The following RBFOX1 variants were observed in gnomAD, a reference collection of about 807,000 sequenced individuals.
RBFOX1 encodes RNA binding fox-1 homolog 1.
RBFOX1 carries 8 observed loss-of-function variants against 57.7 expected under a neutral mutation model. That is an observed-to-expected ratio of 0.14 (90% CI 0.08 to 0.25). The LOEUF (loss-of-function observed/expected upper bound fraction) is 0.25. Among genes scored for constraint, RBFOX1 ranks in the 10% least tolerant of loss-of-function variants. The pLI is 1.00. For missense variants in RBFOX1, 611 were observed against 548.5 expected (o/e 1.11, Z -1.14); for synonymous variants, 326 against 222.4 (o/e 1.47, Z -4.15).
chr16:6,165,668 G>A (rs1340051604), intron 1 of RBFOX1, among the ~76,000 whole-genome samples: 1 of 152,228 alleles, frequency 6.6e-6, no homozygotes, highest in African/African-American at 2.4e-5. Context: ...TCTGATAAAT[G>A]TGCAGGTGAA....
Position 7,094,611 on chromosome 16 carries a change from C to T in RBFOX1, c.27+42513C>T, listed in dbSNP as rs1377953421. On this transcript the variant is annotated intron_variant, in intron 4 of 15. Transcript: ENST00000550418. ...TCTTTGTTCCCTTGACTTGGGGACT[C>T]CTGCATTTCTTTTGAAGTTTTTTTT... Among the ~76,000 whole-genome samples the T allele has an allele frequency of 4.8e-5, 7 of 146,106 alleles. No homozygotes were observed. The South Asian group carries it at 1.3e-3, about 28-fold the overall frequency.
At chr16:6,806,122 A>G (rs549177542) in intron 3 of RBFOX1, among the ~76,000 whole-genome samples, 3 of 151,410 alleles carry the variant, frequency 2.0e-5, no homozygotes. Flanking sequence ...TTGAATATTT[A>G]GATGATTTAG....
intron 2 of RBFOX1, among the ~76,000 whole-genome samples, chr16:6,366,823 G>T (rs762328975): frequency 2.6e-5 from 4 of 152,134 alleles, no homozygotes; most frequent in Non-Finnish European, 5.9e-5. Flanking sequence ...TTTGGTGTCA[G>T]GAATCTCTGC....
intron 3 of RBFOX1, among the ~76,000 whole-genome samples, chr16:6,829,225 G>T (rs1308227657): frequency 6.9e-6 from 1 of 145,106 alleles, no homozygotes; most frequent in Non-Finnish European, 1.5e-5. Flanking sequence ...CATTTTAAAG[G>T]AAGTTAATGA....
At chr16:5,448,096 T>A (rs1363569673) in intron 1 of RBFOX1, among the ~76,000 whole-genome samples, 1 of 152,168 alleles carries the variant, frequency 6.6e-6, no homozygotes, top group Non-Finnish European at 1.5e-5. Context: ...TGGCTGGATA[T>A]GTCTTTTGAC....
chr16:5,489,725 T>C (rs1262257666), intron 2 of RBFOX1, among the ~76,000 whole-genome samples: 1 of 152,074 alleles, frequency 6.6e-6, no homozygotes, highest in Non-Finnish European at 1.5e-5. Flanking sequence ...TTGCCAACAG[T>C]CCTAAAGATG....
chr16:6,011,751 C>G (rs907736080), intron 4 of RBFOX1, among the ~76,000 whole-genome samples: 19 of 152,288 alleles, frequency 1.2e-4, no homozygotes, highest in African/African-American at 4.3e-4. Context: ...AAGCTGGTGA[C>G]CACTTTTTGC....
Position 6,679,878 on chromosome 16 carries a change from G to GGTTTTTTTTTT in RBFOX1, c.-16+25228_-16+25229insGTTTTTTTTTT, listed in dbSNP as rs1487919870. On this transcript the variant is annotated intron_variant, in intron 3 of 15. Coordinates refer to ENST00000550418, the MANE Select transcript of RBFOX1 (RefSeq NM_018723.4). ...CTACATAAAGCCATAGTTTCTACTT[G>GGTTTTTTTTTT]TTTTTTTTTTTTTTTTTTTTTTTTT... 1.7e-5 allele frequency among the ~76,000 whole-genome samples: 2 copies of GGTTTTTTTTTT among 114,302 alleles called. 1 individual carries two copies. Among genetic ancestry groups the GGTTTTTTTTTT allele is most frequent in the African/African-American group, 7.8e-5 (2 of 25,686 alleles). The allele number at this position is 114,302 out of a possible 152,430, so 75.0% of individuals were successfully genotyped here.
intron 3 of RBFOX1, among the ~76,000 whole-genome samples, chr16:6,859,152 T>TATATATATAC (rs1491258507): frequency 1.3e-5 from 1 of 77,142 alleles, no homozygotes; most frequent in Non-Finnish European, 2.4e-5. Context: ...TATATATATA[T>TATATATATAC]GTATATATAT....
At chr16:5,577,320 T>C (rs989534947) in intron 2 of RBFOX1, among the ~76,000 whole-genome samples, 1 of 152,214 alleles carries the variant, frequency 6.6e-6, no homozygotes, top group African/African-American at 2.4e-5. Context: ...GATCAAGCTC[T>C]TCCTTCAGTT....
chr16:6,279,887 G>T (rs932070517), intron 1 of RBFOX1, among the ~76,000 whole-genome samples: 1 of 151,920 alleles, frequency 6.6e-6, no homozygotes, highest in African/African-American at 2.4e-5. Context: ...CTTGGTCTAG[G>T]TGAGGATTTT....
At chr16:5,832,732 A>G (rs2056323182) in intron 3 of RBFOX1, among the ~76,000 whole-genome samples, 1 of 152,208 alleles carries the variant, frequency 6.6e-6, no homozygotes, top group African/African-American at 2.4e-5. Context: ...ATTAACAGAA[A>G]TTTAAAAAGC....
intron 3 of RBFOX1, chr16:5,838,088 A>G (rs1033435132): frequency 1.3e-5 from 2 of 153,218 alleles, no homozygotes; most frequent in African/African-American, 4.8e-5. Context: ...ACTACATGGC[A>G]GAAGATGATG....
intron 3 of RBFOX1, among the ~76,000 whole-genome samples, chr16:6,733,702 G>A (rs2069269389): frequency 6.6e-6 from 1 of 152,058 alleles, no homozygotes; most frequent in African/African-American, 2.4e-5. Context: ...AGGCTGCAGT[G>A]AACTGAGATC....
chr16:5,451,524 G>C (rs1361981405), intron 1 of RBFOX1, among the ~76,000 whole-genome samples: 3 of 152,248 alleles, frequency 2.0e-5, no homozygotes, highest in Non-Finnish European at 4.4e-5. Context: ...AGGAACTTCA[G>C]AGGACTCAAA....
chr16:5,637,245 T>A (rs940405367), intron 3 of RBFOX1, among the ~76,000 whole-genome samples: 2 of 152,152 alleles, frequency 1.3e-5, no homozygotes, highest in African/African-American at 4.8e-5. Flanking sequence ...CCTCCAACAA[T>A]TAGGCTTTGG....
intron 3 of RBFOX1, among the ~76,000 whole-genome samples, chr16:6,909,096 C>T (rs973304258): frequency 3.3e-5 from 5 of 152,170 alleles, no homozygotes; most frequent in African/African-American, 1.2e-4. Context: ...TATTTTCTTG[C>T]AGTTCTGGAG....
intron 3 of RBFOX1, among the ~76,000 whole-genome samples, chr16:6,714,242 T>C (rs548574036): frequency 6.6e-6 from 1 of 152,212 alleles, no homozygotes; most frequent in African/African-American, 2.4e-5. Flanking sequence ...TGCAGAACTG[T>C]GAGTCAATTA....
intron 2 of RBFOX1, among the ~76,000 whole-genome samples, chr16:6,619,163 G>C (rs1203021698): frequency 7.0e-6 from 1 of 143,134 alleles, no homozygotes; most frequent in African/African-American, 2.5e-5. Context: ...TTCCAGCCAG[G>C]AAGGAGAAAA....
Sources: allele counts gnomAD v4.1 joint callset (sites outside exome capture counted in the v4.1 genomes callset), GRCh38; gene constraint gnomAD v4.1.1; transcripts MANE v1.5; gene names NCBI Gene and HGNC (gene_info 2026-07-23, HGNC 2026-07-21).